TRIM67: variants seen among roughly 807,000 people sequenced by gnomAD.
The protein encoded by TRIM67 is tripartite motif-containing protein 67.
TRIM67 carries 39 observed loss-of-function variants against 71.0 expected under a neutral mutation model. The ratio of observed to expected loss-of-function variants is 0.55; its 90% CI spans 0.43 to 0.72. TRIM67 has a LOEUF of 0.72. Ranked by LOEUF, TRIM67 falls within the 30% of genes least tolerant of loss-of-function variation. The pLI, the probability that TRIM67 is intolerant of heterozygous loss-of-function variation, is 0.00. For synonymous variants in TRIM67, 481 were observed against 473.9 expected, an observed-to-expected ratio of 1.01 and a Z score of -0.19; for missense variants, 973 against 1,079.2, an observed-to-expected ratio of 0.90 and a Z score of 1.38.
chr1:231,195,829 C>T (rs961110554), intron 1 of TRIM67, among the ~76,000 whole-genome samples: 7 of 152,224 alleles, frequency 4.6e-5, no homozygotes, highest in Non-Finnish European at 7.3e-5. Flanking sequence ...CACCCACGAC[C>T]TCTGATCAGC....
intron 3 of TRIM67, among the ~76,000 whole-genome samples, chr1:231,199,672 T>A (rs757197174): frequency 1.3e-5 from 2 of 152,168 alleles, no homozygotes; most frequent in Non-Finnish European, 2.9e-5. Context: ...TGACGGGCTG[T>A]CACTGTCTGA....
rs555091275 is a variant in TRIM67 at position 231,218,738 on chromosome 1, C to A, written c.*3298C>A. 196 of 985,466 alleles carry A rather than the reference C, an allele frequency of 2.0e-4. 1 individual carries two copies. The African/African-American group carries it at 3.1e-3, about 16-fold the overall frequency. 61.0% of individuals were successfully genotyped at this position (985,466 alleles called of 1,614,324 possible). The stretch of plus-strand genomic sequence containing the variant: ...CCTGATATGTACTTTGTAGTTGCAA[C>A]AGCGCCCTAGGTGCCCTATGGCCCA... On this transcript the variant is annotated 3_prime_UTR_variant, in exon 10 of 10. Transcript: ENST00000366653.
chr1:231,220,038 T>A lies in TRIM67; in HGVS notation c.*4598T>A. 9.7e-7 allele frequency: 1 copy of A among 1,034,316 alleles called. No homozygotes were observed. The highest frequency in any genetic ancestry group is 1.3e-6 in the Non-Finnish European group (1 of 755,808). 64.1% of individuals were successfully genotyped at this position (1,034,316 alleles called of 1,614,324 possible). On this transcript the variant is annotated 3_prime_UTR_variant, in exon 10 of 10. Coordinates refer to ENST00000366653, the MANE Select transcript of TRIM67 (RefSeq NM_001004342.5). ...TCAGTATCCCCACCTGAAATGAGAC[T>A]AGTCATACTAACCTACCTCCTCTGA...
At chr1:231,195,824 A>G (rs952686202) in intron 1 of TRIM67, among the ~76,000 whole-genome samples, 2 of 152,230 alleles carry the variant, frequency 1.3e-5, no homozygotes, top group Non-Finnish European at 2.9e-5. Context: ...GGCTTCACCC[A>G]CGACCTCTGA....
intron 5 of TRIM67, 26 bp from the exon 6 acceptor site, chr1:231,203,841 C>G: frequency 3.1e-6 from 5 of 1,606,436 alleles, no homozygotes; most frequent in Non-Finnish European, 4.3e-6. Flanking sequence ...GCTTCCTGCG[C>G]TAACTCATGT....
chr1:231,198,374 G>A (rs1371092719), intron 2 of TRIM67, among the ~76,000 whole-genome samples: 1 of 151,938 alleles, frequency 6.6e-6, no homozygotes. Flanking sequence ...CATATCTGGA[G>A]GAATAAGAGG....
rs1683993228 is a variant in TRIM67 at position 231,215,507 on chromosome 1, C to T, written c.*67C>T. On this transcript the variant is annotated 3_prime_UTR_variant, in exon 10 of 10. Coordinates refer to ENST00000366653, the MANE Select transcript of TRIM67 (RefSeq NM_001004342.5). ...ACAGGCAAAACGCCCACCATTCTCA[C>T]TAAGCTCAAATAACCCACAAAAGCA... The T allele has an allele frequency of 3.3e-6, 5 of 1,506,314 alleles. No individual in the cohort carries two copies. In the Admixed American group the frequency reaches 6.1e-5, roughly 18 times the overall value. 93.3% of individuals were successfully genotyped at this position (1,506,314 alleles called of 1,614,324 possible).
chr1:231,187,291 A>G (rs1334514621), intron 1 of TRIM67, among the ~76,000 whole-genome samples: 1 of 152,090 alleles, frequency 6.6e-6, no homozygotes, highest in African/African-American at 2.4e-5. Context: ...GGAGAAGGAG[A>G]TCATCTGCCT....
rs1173973746 is a variant in TRIM67, at chr1:231,209,112, A to G, written c.1985A>G (p.Asn662Ser). Residue 662 changes from asparagine to serine, a missense_variant, in exon 8 of 10, where the codon AAC becomes AGC. This residue lies in a region of TRIM67 where 178 missense variants were observed against 247.9 expected (regional missense o/e 0.72). Coordinates refer to ENST00000366653, the MANE Select transcript of TRIM67 (RefSeq NM_001004342.5). The surrounding 1 kb of genome is among the most constrained non-coding windows in gnomAD (Gnocchi z 4.1). ...GAGCTGCACGTGGACCGGTACGACA[A>G]CCACCCAGACCCCGCCTTCGGGGTG... ...YWELHVDRYDNHPDPAFGVAR... is the reference protein window; with the variant it reads ...YWELHVDRYDSHPDPAFGVAR... 1 of 1,613,944 alleles carries G rather than the reference A, an allele frequency of 6.2e-7. No individual in the cohort carries two copies. The highest frequency in any genetic ancestry group is 8.5e-7 in the Non-Finnish European group (1 of 1,179,872).
chr1:231,204,371 G>T (rs566703423), intron 6 of TRIM67, among the ~76,000 whole-genome samples: 1 of 152,246 alleles, frequency 6.6e-6, no homozygotes, highest in Admixed American at 6.5e-5. Flanking sequence ...GTCTTGTCTT[G>T]GGAGGTATCA....
intron 8 of TRIM67, among the ~76,000 whole-genome samples, chr1:231,212,941 G>T (rs115281031): frequency 1.3e-5 from 2 of 152,272 alleles, no homozygotes; most frequent in Non-Finnish European, 2.9e-5. Flanking sequence ...GGTCACCTGA[G>T]GGATAATGAC....
chr1:231,195,890 T>C (rs1488145742), intron 1 of TRIM67, among the ~76,000 whole-genome samples: 3 of 152,230 alleles, frequency 2.0e-5, no homozygotes, highest in Non-Finnish European at 4.4e-5. Flanking sequence ...CGCCCAGTGA[T>C]GCTGATGTTG....
In TRIM67 at chr1:231,219,821, G is replaced by T; in HGVS notation, c.*4381G>T. 6 of 1,280,300 alleles carry T rather than the reference G, an allele frequency of 4.7e-6. No individual in the cohort carries two copies. Among genetic ancestry groups the T allele is most frequent in the Non-Finnish European group, 6.1e-6 (6 of 983,306 alleles). The allele number at this position is 1,280,300 out of a possible 1,614,324, so 79.3% of individuals were successfully genotyped here. A position where few individuals can be genotyped will look rare whatever the true frequency, so the allele number is the denominator to read the frequency against. ...TGTTTGTTGACCACATTCTTTGGCA[G>T]TTCCTCCCAGAAGATCAAAGGATCC... On this transcript the variant is annotated 3_prime_UTR_variant, in exon 10 of 10. Transcript: ENST00000366653.
At chr1:231,181,476 G>A (rs893032975) in intron 1 of TRIM67, among the ~76,000 whole-genome samples, 1 of 152,180 alleles carries the variant, frequency 6.6e-6, no homozygotes, top group African/African-American at 2.4e-5. Context: ...GGTGGTGTTT[G>A]TTACTGCAGC....
intron 1 of TRIM67, among the ~76,000 whole-genome samples, chr1:231,174,679 A>G (rs925485763): frequency 1.4e-4 from 21 of 151,992 alleles, no homozygotes; most frequent in Admixed American, 9.2e-4. Flanking sequence ...GTCTAATGCT[A>G]TGGGCCTGTG....
chr1:231,218,042 C>A lies in TRIM67; in HGVS notation c.*2602C>A. The A allele has an allele frequency of 1.7e-6, 2 of 1,171,694 alleles. No individual in the cohort carries two copies. The highest frequency in any genetic ancestry group is 1.1e-6 in the Non-Finnish European group (1 of 930,938). 72.6% of individuals were successfully genotyped at this position (1,171,694 alleles called of 1,614,324 possible). A position where few individuals can be genotyped will look rare whatever the true frequency, so the allele number is the denominator to read the frequency against. ...AGCATCCAGCTCTCCTTCACAGACA[C>A]CTCTCCTGTCTTCAGCACAAAACAC... On this transcript the variant is annotated 3_prime_UTR_variant, in exon 10 of 10. Coordinates refer to ENST00000366653, the MANE Select transcript of TRIM67 (RefSeq NM_001004342.5).
chr1:231,203,803 T>G (rs896435253), intron 5 of TRIM67, 64 bp from the exon 6 acceptor site: 18 of 1,549,220 alleles, frequency 1.2e-5, no homozygotes, highest in Non-Finnish European at 1.6e-5. Flanking sequence ...TGGGGTGGGG[T>G]GGGGGACCGG....
intron 1 of TRIM67, 59 bp downstream of exon 1, chr1:231,164,072 T>C: frequency 7.1e-7 from 1 of 1,401,026 alleles, no homozygotes; most frequent in Non-Finnish European, 9.4e-7. Flanking sequence ...GGAGAAAGGC[T>C]TTTGGCCTCT....
chr1:231,175,698 A>G (rs1327424830), intron 1 of TRIM67, among the ~76,000 whole-genome samples: 1 of 152,258 alleles, frequency 6.6e-6, no homozygotes, highest in Non-Finnish European at 1.5e-5. Flanking sequence ...GGCTGTCCTC[A>G]TCCTTAGAAA....
Sources: gnomAD v4.1 joint callset for allele counts (sites outside exome capture counted in the v4.1 genomes callset) on GRCh38, gnomAD v4.1.1 for gene constraint, gnomAD v4.1.1 regional missense constraint, Gnocchi (gnomAD v3.1) non-coding constraint, MANE v1.5 for transcripts, NCBI Gene and HGNC (gene_info 2026-07-23, HGNC 2026-07-21) for gene names.